COMMD1: variants seen among roughly 807,000 people sequenced by gnomAD.
COMMD1 encodes the protein COMM domain-containing protein 1.
In COMMD1, 10 loss-of-function variants were observed where a neutral mutation model predicts 17.2. The ratio of observed to expected loss-of-function variants is 0.58; its 90% CI spans 0.36 to 0.99. The LOEUF (loss-of-function observed/expected upper bound fraction) is 0.99, where lower values mean the gene tolerates loss of function less well. Ranked by LOEUF, COMMD1 falls within the 50% of genes least tolerant of loss-of-function variation. The pLI is 0.01. For missense variants in COMMD1, 270 were observed against 231.8 expected, an observed-to-expected ratio of 1.17 and a Z score of -1.07; for synonymous variants, 97 against 91.6, an observed-to-expected ratio of 1.06 and a Z score of -0.34.
chr2:61,907,175 G>A (rs1016307283), intron 1 of COMMD1, among the ~76,000 whole-genome samples: 7 of 151,450 alleles, frequency 4.6e-5, no homozygotes, highest in African/African-American at 7.3e-5. Context: ...GCCCGATCTC[G>A]GCTCACTGCA....
intron 2 of COMMD1, among the ~76,000 whole-genome samples, chr2:62,024,215 TTTTG>T (rs1277827743): frequency 6.6e-6 from 1 of 152,076 alleles, no homozygotes; most frequent in Non-Finnish European, 1.5e-5. Flanking sequence ...TTTTTTTGTT[TTTTG>T]TTTTTGTTTT....
At chr2:62,049,513 C>T (rs1663894839) in intron 2 of COMMD1, among the ~76,000 whole-genome samples, 1 of 152,138 alleles carries the variant, frequency 6.6e-6, no homozygotes, top group Non-Finnish European at 1.5e-5. Context: ...GACAGGGATG[C>T]TGCTAAACCT....
chr2:61,995,580 G>C (rs747087096), intron 1 of COMMD1, among the ~76,000 whole-genome samples: 6 of 152,166 alleles, frequency 3.9e-5, no homozygotes, highest in Non-Finnish European at 5.9e-5. Flanking sequence ...TTAGGGACTG[G>C]CATCTCTGTA....
At chr2:62,050,397 T>A (rs1670503365) in intron 2 of COMMD1, among the ~76,000 whole-genome samples, 1 of 152,224 alleles carries the variant, frequency 6.6e-6, no homozygotes, top group Non-Finnish European at 1.5e-5. Flanking sequence ...TCAATGAAGT[T>A]GCTAGTATTT....
At chr2:61,913,124 T>G (rs889359163) in intron 1 of COMMD1, among the ~76,000 whole-genome samples, 2 of 152,034 alleles carry the variant, frequency 1.3e-5, no homozygotes, top group Non-Finnish European at 2.9e-5. Flanking sequence ...ATCCCAGCAC[T>G]TTGGTAGGCC....
intron 1 of COMMD1, among the ~76,000 whole-genome samples, chr2:61,913,802 A>T (rs2105182297): frequency 8.4e-6 from 1 of 119,544 alleles, no homozygotes; most frequent in Admixed American, 9.8e-5. Context: ...TCTCCAAAAA[A>T]AAAAAAAAAA....
chr2:61,892,778 TTTG>T (rs1669464060), intron 1 of COMMD1, among the ~76,000 whole-genome samples: 2 of 151,772 alleles, frequency 1.3e-5, no homozygotes, highest in African/African-American at 4.9e-5. Context: ...AAAGACAGTG[TTTG>T]TTGTTATTTT....
intron 1 of COMMD1, among the ~76,000 whole-genome samples, chr2:61,997,470 TG>T (rs1330064058): frequency 6.6e-6 from 1 of 152,202 alleles, no homozygotes; most frequent in African/African-American, 2.4e-5. Context: ...AACATCTCCT[TG>T]TACGTCTCCA....
Position 62,135,845 on chromosome 2 carries a change from GT to G in COMMD1, c.478del (p.Cys160ValfsTer13). 6.5e-7 allele frequency: 1 copy of G among 1,550,220 alleles called. No homozygotes were observed. The highest frequency in any genetic ancestry group is 8.9e-7 in the Non-Finnish European group (1 of 1,121,410). On this transcript the variant is annotated frameshift_variant, in exon 3 of 3. Transcript: ENST00000311832. LOFTEE classifies it high-confidence loss of function. ...GKYGQESEFLCLEFDEVKVNQ... is the reference protein window; with the variant it reads ...GKYGQESEFLXLEFDEVKVNQ... Reference sequence around the variant, plus strand: ...ATGTTTTCCAGGAATCTGAATTTCTGTGTTTGGAATTTGATGAGGTCAAAGT... The same window carrying G: ...ATGTTTTCCAGGAATCTGAATTTCTGGTTTGGAATTTGATGAGGTCAAAGT...
rs1017010271 is a variant in COMMD1, at chr2:62,000,865, G to T, written c.345G>T (p.Trp115Cys). The T allele has an allele frequency of 6.2e-7, 1 of 1,614,170 alleles. No individual in the cohort carries two copies. The highest frequency in any genetic ancestry group is 8.5e-7 in the Non-Finnish European group (1 of 1,180,038). ...AGAGCCTCATGAACCAGAGCCGCTG[G>T]AATAGCGGGCTTCGGGGCCTGAGCT... is the stretch of plus-strand genomic sequence containing the variant. Reference protein sequence around the residue: ...IRESLMNQSRWNSGLRGLSWR... With the variant: ...IRESLMNQSRCNSGLRGLSWR... Residue 115 changes from tryptophan to cysteine, a missense_variant, in exon 2 of 3, where the codon TGG (tryptophan) becomes TGT (cysteine). Coordinates refer to ENST00000311832, the MANE Select transcript of COMMD1 (RefSeq NM_152516.4).
At chr2:61,976,791 T>C (rs963277533) in intron 1 of COMMD1, among the ~76,000 whole-genome samples, 2 of 152,118 alleles carry the variant, frequency 1.3e-5, no homozygotes, top group African/African-American at 2.4e-5. Context: ...ATGTCATTAT[T>C]GGTTCATGCA....
chr2:61,907,252 A>G (rs1405368480), intron 1 of COMMD1, among the ~76,000 whole-genome samples: 1 of 152,050 alleles, frequency 6.6e-6, no homozygotes, highest in Non-Finnish European at 1.5e-5. Context: ...GGTTACAGGC[A>G]TGCGCCACCA....
At chr2:62,029,411 A>T (rs1326244289) in intron 2 of COMMD1, among the ~76,000 whole-genome samples, 3 of 152,092 alleles carry the variant, frequency 2.0e-5, no homozygotes, top group Admixed American at 6.6e-5. Context: ...AAACAGAAAA[A>T]ATATATATAA....
intron 2 of COMMD1, among the ~76,000 whole-genome samples, chr2:62,048,182 C>CTTT (rs67195629): frequency 2.7e-4 from 34 of 127,224 alleles, no homozygotes; most frequent in African/African-American, 6.7e-4. Context: ...AACTAAATTT[C>CTTT]TTTTTTTTTT....
At chr2:61,896,602 C>G (rs534112192) in intron 1 of COMMD1, among the ~76,000 whole-genome samples, 1 of 152,148 alleles carries the variant, frequency 6.6e-6, no homozygotes, top group African/African-American at 2.4e-5. Flanking sequence ...CAAATCTGAT[C>G]TTGTTATTAC....
intron 1 of COMMD1, among the ~76,000 whole-genome samples, chr2:61,970,243 CAA>C (rs747005279): frequency 3.1e-5 from 4 of 128,714 alleles, no homozygotes; most frequent in Non-Finnish European, 6.6e-5. Context: ...GCCTGGGCAA[CAA>C]GAGGGAAACT....
intron 2 of COMMD1, among the ~76,000 whole-genome samples, chr2:62,018,173 C>T (rs1456102260): frequency 6.6e-6 from 1 of 152,068 alleles, no homozygotes; most frequent in Non-Finnish European, 1.5e-5. Flanking sequence ...TCTTATTTTC[C>T]CTGCTTAGGT....
At chr2:62,076,015 A>G (rs1278267514) in intron 2 of COMMD1, among the ~76,000 whole-genome samples, 2 of 152,240 alleles carry the variant, frequency 1.3e-5, no homozygotes, top group Non-Finnish European at 2.9e-5. Flanking sequence ...GGGAATGGAA[A>G]AGACCTTGCT....
At chr2:62,095,916 CATAT>C (rs776573572) in intron 2 of COMMD1, among the ~76,000 whole-genome samples, 4 of 141,024 alleles carry the variant, frequency 2.8e-5, no homozygotes, top group African/African-American at 1.1e-4. Context: ...TGTATATATA[CATAT>C]ATATATATAT....
Sources: allele counts gnomAD v4.1 joint callset (sites outside exome capture counted in the v4.1 genomes callset), GRCh38; gene constraint gnomAD v4.1.1; transcripts MANE v1.5; gene names NCBI Gene and HGNC (gene_info 2026-07-23, HGNC 2026-07-21).